The following MILR1 variants were observed in gnomAD, a reference collection of about 807,000 sequenced individuals.
The protein encoded by MILR1 is allergin-1.
Under a neutral mutation model 18.5 loss-of-function variants are expected in MILR1, and 31 were observed. That is an observed-to-expected ratio of 1.68 (90% CI 1.26 to 2.26). The LOEUF is 2.26. Among genes scored for constraint, MILR1 ranks in the 30% most tolerant of loss-of-function variants. MILR1 has a pLI of 0.00. For synonymous variants in MILR1, 85 were observed against 56.2 expected (o/e 1.51, Z -2.30); for missense variants, 257 against 157.4 (o/e 1.63, Z -3.38).
the MILR1 span, among the ~76,000 whole-genome samples, chr17:64,497,306 C>A: frequency 6.6e-6 from 1 of 152,266 alleles, no homozygotes; most frequent in Non-Finnish European, 1.5e-5. Flanking sequence ...TCACTTCCTT[C>A]TGCCACTGTT....
chr17:64,465,241 GA>G (rs1555662847), intron 5 of MILR1, among the ~76,000 whole-genome samples: 1 of 152,218 alleles, frequency 6.6e-6, no homozygotes. Context: ...TGAAGGCCAG[GA>G]AAATAAATCA....
the MILR1 span, chr17:64,496,492 G>A: frequency 6.2e-7 from 1 of 1,612,800 alleles, no homozygotes; most frequent in East Asian, 2.2e-5. Flanking sequence ...TCAGCTCTTT[G>A]TCTTGCAAGA....
the MILR1 span, chr17:64,496,751 C>G: frequency 6.2e-7 from 1 of 1,614,092 alleles, no homozygotes; most frequent in South Asian, 1.1e-5. Context: ...CCTTCTCTGA[C>G]AGATCTCTAA....
the MILR1 span, chr17:64,493,043 A>G: frequency 4.0e-5 from 64 of 1,613,366 alleles, no homozygotes; most frequent in Non-Finnish European, 5.3e-5. Context: ...TAAATCAATC[A>G]TTGTATACAT....
chr17:64,489,764 GA>G, the MILR1 span, among the ~76,000 whole-genome samples: 12,971 of 142,204 alleles, frequency 0.091, 1,617 homozygotes, highest in African/African-American at 0.29. Flanking sequence ...CTCAAATAAA[GA>G]AAAAAAAAAA....
chr17:64,460,324 C>A (rs900998894), intron 4 of MILR1, among the ~76,000 whole-genome samples: 1 of 151,746 alleles, frequency 6.6e-6, no homozygotes, highest in Non-Finnish European at 1.5e-5. Flanking sequence ...CTGAGCTCAA[C>A]CTATTTTTGT....
chr17:64,473,350 CAAAA>C (rs1489803189), downstream of MILR1, among the ~76,000 whole-genome samples: 1 of 71,562 alleles, frequency 1.4e-5, no homozygotes, highest in Non-Finnish European at 2.5e-5. Context: ...GGCTCCGTCT[CAAAA>C]AAAAAAAAAA....
chr17:64,478,015 C>T, the MILR1 span: 42 of 1,606,948 alleles, frequency 2.6e-5, no homozygotes, highest in Admixed American at 5.0e-5. Flanking sequence ...TAAACAGACA[C>T]ATGAGCACAA....
chr17:64,496,636 G>T, the MILR1 span: 1 of 1,613,878 alleles, frequency 6.2e-7, no homozygotes, highest in Non-Finnish European at 8.5e-7. Flanking sequence ...ACCATTCTGC[G>T]GCCAGGTTCT....
the MILR1 span, chr17:64,491,508 T>C: frequency 6.7e-7 from 1 of 1,484,208 alleles, no homozygotes; most frequent in South Asian, 1.1e-5. Context: ...AGACTATGTC[T>C]CTAAAAAAAC....
chr17:64,494,061 TTC>T, the MILR1 span, among the ~76,000 whole-genome samples: 1 of 152,252 alleles, frequency 6.6e-6, no homozygotes, highest in African/African-American at 2.4e-5. Flanking sequence ...TCTTTTACTG[TTC>T]TCTTTCCAGT....
At chr17:64,477,155 C>T in the MILR1 span, among the ~76,000 whole-genome samples, 2 of 152,106 alleles carry the variant, frequency 1.3e-5, no homozygotes, top group Non-Finnish European at 2.9e-5. Context: ...TGGCAGATTC[C>T]ATAAAGACCT....
chr17:64,462,702 G>A (rs1257259023), intron 5 of MILR1, among the ~76,000 whole-genome samples: 2 of 150,650 alleles, frequency 1.3e-5, no homozygotes, highest in African/African-American at 2.5e-5. Flanking sequence ...GTGCAGTGGT[G>A]CAATCTCGGC....
chr17:64,474,723 C>T, the MILR1 span, among the ~76,000 whole-genome samples: 1 of 151,896 alleles, frequency 6.6e-6, no homozygotes, highest in Non-Finnish European at 1.5e-5. Flanking sequence ...TTTGCTAGCT[C>T]TTAATACTGG....
chr17:64,496,186 C>T, the MILR1 span, among the ~76,000 whole-genome samples: 5,800 of 152,240 alleles, frequency 0.038, 370 homozygotes, highest in African/African-American at 0.13. Context: ...AGAGCGTTCC[C>T]AGGTCCTTCG....
At position 64,457,421 on chromosome 17, in the gene MILR1, T is replaced by C. The variant is rs2144032581; in HGVS notation, c.389T>C (p.Leu130Pro). ...CCAGACCCGGTGACTTCCCCAGTGC[T>C]GAACATTATGGTCATTCAAACAGAA... is the stretch of plus-strand genomic sequence containing the variant. ...TIVDPVTSPV[L>P]NIMVIQTETD... Residue 130 changes from leucine to proline, a missense_variant, in exon 4 of 10, where the codon CTG becomes CCG. Transcript: ENST00000619286. 1 of 475,430 alleles carries C rather than the reference T, an allele frequency of 2.1e-6. No homozygotes were observed. Among genetic ancestry groups the C allele is most frequent in the South Asian group, 6.7e-5 (1 of 14,882 alleles). The allele number at this position is 475,430 out of a possible 1,614,324, so 29.5% of individuals were successfully genotyped here.
chr17:64,451,615 AG>A (rs1244815902), intron 2 of MILR1, among the ~76,000 whole-genome samples: 81 of 152,202 alleles, frequency 5.3e-4, no homozygotes, highest in African/African-American at 1.8e-3. Flanking sequence ...TTGGTTGGAA[AG>A]GTAGTTTAGG....
At chr17:64,490,259 A>T in the MILR1 span, among the ~76,000 whole-genome samples, 1 of 152,186 alleles carries the variant, frequency 6.6e-6, no homozygotes, top group Admixed American at 6.5e-5. Context: ...TTAGCTTTAC[A>T]CTGGAGAAAT....
the MILR1 span, among the ~76,000 whole-genome samples, chr17:64,476,859 GA>G: frequency 6.6e-6 from 1 of 151,202 alleles, no homozygotes; most frequent in Non-Finnish European, 1.5e-5. Context: ...AAAAAAAAGA[GA>G]AAAACCTACC....
Sources: gnomAD v4.1 joint callset for allele counts (sites outside exome capture counted in the v4.1 genomes callset) on GRCh38, gnomAD v4.1.1 for gene constraint, MANE v1.5 for transcripts, NCBI Gene and HGNC (gene_info 2026-07-23, HGNC 2026-07-21) for gene names.